The following GRID2 variants were observed in gnomAD, a reference collection of about 807,000 sequenced individuals.
The protein encoded by GRID2 is glutamate ionotropic receptor delta type subunit 2, also known as glutamate receptor ionotropic, delta-2.
A neutral mutation model predicts 114.8 loss-of-function variants in GRID2; 33 were observed. The ratio of observed to expected loss-of-function variants is 0.29; its 90% CI spans 0.22 to 0.38. The LOEUF is 0.38. GRID2 is among the 10% of genes least tolerant of loss of function. GRID2 has a pLI of 1.00. For missense variants in GRID2, 1,184 were observed against 1,257.7 expected (o/e 0.94, Z 0.89); for synonymous variants, 505 against 449.9 (o/e 1.12, Z -1.55).
intron 13 of GRID2, among the ~76,000 whole-genome samples, chr4:93,516,082 T>C (rs1729699017): frequency 6.6e-6 from 1 of 152,170 alleles, no homozygotes; most frequent in Non-Finnish European, 1.5e-5. Context: ...GACTGTTTTT[T>C]CTTAAAATTA....
chr4:92,570,873 C>A (rs1169921731), intron 1 of GRID2, among the ~76,000 whole-genome samples: 3 of 151,976 alleles, frequency 2.0e-5, no homozygotes, highest in Admixed American at 6.6e-5. Flanking sequence ...TTTCTAGATA[C>A]AGCATTATGT....
intron 1 of GRID2, among the ~76,000 whole-genome samples, chr4:92,350,743 CAT>C (rs1340671810): frequency 6.6e-6 from 1 of 151,650 alleles, no homozygotes; most frequent in East Asian, 1.9e-4. Context: ...TTAGTATATA[CAT>C]AGAGTTGTGT....
At chr4:92,804,211 T>A (rs1461518075) in intron 2 of GRID2, among the ~76,000 whole-genome samples, 3 of 152,030 alleles carry the variant, frequency 2.0e-5, no homozygotes, top group African/African-American at 7.2e-5. Flanking sequence ...GGTCATATCA[T>A]TTTTTAGTAG....
At chr4:92,343,807 T>C (rs958079114) in intron 1 of GRID2, among the ~76,000 whole-genome samples, 2 of 152,138 alleles carry the variant, frequency 1.3e-5, no homozygotes, top group Non-Finnish European at 2.9e-5. Context: ...CTCCTGACCT[T>C]GGGTGATCCA....
At chr4:92,432,817 CT>C (rs1364471216) in intron 1 of GRID2, among the ~76,000 whole-genome samples, 1 of 152,080 alleles carries the variant, frequency 6.6e-6, no homozygotes, top group Non-Finnish European at 1.5e-5. Context: ...CAGAAGGAGC[CT>C]TTCCCCATAG....
At chr4:92,374,930 A>G (rs145996230) in intron 1 of GRID2, among the ~76,000 whole-genome samples, 161 of 152,268 alleles carry the variant, frequency 1.1e-3, no homozygotes, top group African/African-American at 3.6e-3. Context: ...AAAAGTGTAA[A>G]CATACCATAC....
At chr4:93,359,895 A>G (rs1040243192) in intron 8 of GRID2, among the ~76,000 whole-genome samples, 1 of 146,834 alleles carries the variant, frequency 6.8e-6, no homozygotes, top group Non-Finnish European at 1.5e-5. Context: ...AAAAAAAAAA[A>G]AAAAAATGGG....
At chr4:93,343,287 G>A (rs1426594816) in intron 8 of GRID2, among the ~76,000 whole-genome samples, 1 of 151,906 alleles carries the variant, frequency 6.6e-6, no homozygotes, top group African/African-American at 2.4e-5. Context: ...ATTCACATCT[G>A]ACTATTTGAA....
intron 1 of GRID2, among the ~76,000 whole-genome samples, chr4:92,498,496 C>T (rs140481429): frequency 4.0e-5 from 6 of 151,624 alleles, no homozygotes; most frequent in Admixed American, 6.6e-5. Flanking sequence ...GTTGAATACA[C>T]GAAAAGGATA....
chr4:93,005,783 G>T (rs1326962760), intron 2 of GRID2, among the ~76,000 whole-genome samples: 1 of 152,050 alleles, frequency 6.6e-6, no homozygotes, highest in Non-Finnish European at 1.5e-5. Context: ...AGTGAAAGAA[G>T]TCAGCCACAA....
intron 14 of GRID2, among the ~76,000 whole-genome samples, chr4:93,695,653 CTA>C (rs1726956013): frequency 6.6e-6 from 1 of 152,088 alleles, no homozygotes; most frequent in Non-Finnish European, 1.5e-5. Flanking sequence ...TCTATTTTCT[CTA>C]TGTGTGTATA....
intron 14 of GRID2, among the ~76,000 whole-genome samples, chr4:93,680,158 G>A (rs923899308): frequency 5.9e-5 from 9 of 151,704 alleles, no homozygotes; most frequent in Non-Finnish European, 1.0e-4. Context: ...ACCTCTACAC[G>A]AATAAACTAG....
intron 8 of GRID2, among the ~76,000 whole-genome samples, chr4:93,289,414 A>T (rs1211249246): frequency 6.6e-6 from 1 of 152,192 alleles, no homozygotes; most frequent in Non-Finnish European, 1.5e-5. Flanking sequence ...GCATTAGGGC[A>T]TGTGGCAAAT....
intron 8 of GRID2, among the ~76,000 whole-genome samples, chr4:93,336,291 A>C (rs10023182): frequency 0.25 from 38,445 of 152,038 alleles, 8,151 homozygotes; most frequent in African/African-American, 0.58. Flanking sequence ...AATTTATAGC[A>C]ATGATATTCT....
intron 4 of GRID2, among the ~76,000 whole-genome samples, chr4:93,115,384 G>T (rs72665276): frequency 1.1e-5 from 1 of 89,356 alleles, no homozygotes; most frequent in African/African-American, 3.5e-5. Context: ...TTCTTATGTG[G>T]CATTCCAAGT....
At chr4:93,494,575 C>T (rs990069098) in intron 12 of GRID2, among the ~76,000 whole-genome samples, 2 of 151,742 alleles carry the variant, frequency 1.3e-5, no homozygotes, top group South Asian at 4.1e-4. Context: ...GGAATTTTCC[C>T]TGGAAAAGAT....
At chr4:92,630,120 C>T (rs1029036207) in intron 2 of GRID2, among the ~76,000 whole-genome samples, 12 of 151,836 alleles carry the variant, frequency 7.9e-5, no homozygotes, top group African/African-American at 2.7e-4. Flanking sequence ...TGTGAAATCT[C>T]GGGTCTAGAC....
intron 1 of GRID2, among the ~76,000 whole-genome samples, chr4:92,387,054 TA>T (rs1399536052): frequency 6.6e-6 from 1 of 151,948 alleles, no homozygotes; most frequent in East Asian, 1.9e-4. Flanking sequence ...TATATCAAAT[TA>T]AAAGCACACT....
At chr4:93,624,055 A>T (rs767282203) in intron 13 of GRID2, among the ~76,000 whole-genome samples, 2 of 152,144 alleles carry the variant, frequency 1.3e-5, no homozygotes, top group African/African-American at 2.4e-5. Context: ...GGTATTCTTC[A>T]TATAGCTCCT....
Sources: gnomAD v4.1 joint callset for allele counts (sites outside exome capture counted in the v4.1 genomes callset) on GRCh38, gnomAD v4.1.1 for gene constraint, MANE v1.5 for transcripts, NCBI Gene and HGNC (gene_info 2026-07-23, HGNC 2026-07-21) for gene names.